TMEM130: variants seen among roughly 807,000 people sequenced by gnomAD.
TMEM130 encodes the protein transmembrane protein 130.
TMEM130 carries 37 observed loss-of-function variants against 42.9 expected under a neutral mutation model. The ratio of observed to expected loss-of-function variants is 0.86; its 90% CI spans 0.66 to 1.13. The LOEUF is 1.13. TMEM130 is among the 50% of genes most tolerant of loss of function. TMEM130 has a pLI of 0.00. For missense variants in TMEM130, 545 were observed against 562.6 expected (o/e 0.97, Z 0.32); for synonymous variants, 259 against 237.7 (o/e 1.09, Z -0.82).
Position 98,851,544 on chromosome 7 carries a change from C to A in TMEM130, c.883G>T (p.Ala295Ser). Residue 295 changes from alanine to serine, a missense_variant, in exon 6 of 8, where the codon GCC (alanine) becomes TCC (serine). By Grantham distance (99) the Ala-to-Ser change is moderately conservative. Transcript: ENST00000339375. ...TGGGTCAGGTTGTACGCTGTGCTGG[C>A]CACGGACACAGGGTGGCACTCCCCT... is the stretch of plus-strand genomic sequence containing the variant. ...EEGECHPVSV[A>S]STAYNLTHTF... 3.1e-6 allele frequency: 5 copies of A among 1,614,076 alleles called. No individual in the cohort carries two copies. Among genetic ancestry groups the A allele is most frequent in the Non-Finnish European group, 4.2e-6 (5 of 1,180,024 alleles).
intron 1 of TMEM130, among the ~76,000 whole-genome samples, chr7:98,864,176 C>G (rs1794856385): frequency 6.6e-6 from 1 of 152,032 alleles, no homozygotes; most frequent in African/African-American, 2.4e-5. Flanking sequence ...GGACAGGCCA[C>G]ACAGAGAACA....
At chr7:98,855,617 C>G (rs531062179) in intron 4 of TMEM130, among the ~76,000 whole-genome samples, 23 of 152,218 alleles carry the variant, frequency 1.5e-4, no homozygotes, top group Non-Finnish European at 3.1e-4. Context: ...CAGCAAGAAC[C>G]AAGACATCTT....
At chr7:98,858,066 C>A in intron 3 of TMEM130, among the ~76,000 whole-genome samples, 1 of 152,028 alleles carries the variant, frequency 6.6e-6, no homozygotes, top group Non-Finnish European at 1.5e-5. Context: ...ATTCTAAGTT[C>A]TCCACTCAGT....
intron 7 of TMEM130, 132 bp downstream of exon 7, chr7:98,848,451 A>AC: frequency 1.3e-6 from 1 of 781,158 alleles, no homozygotes. Context: ...TGGGCACATC[A>AC]CCCCAAGTCC....
rs1339178220 is a variant in TMEM130 at position 98,864,400 on chromosome 7, A to G, written c.86-1000T>C. Reference sequence around the variant, plus strand: ...TTTTTTCTTTTTTTTTTTTTTTTGTAGAGACAGGATCTCACTATGTTGCCC... The same window carrying G: ...TTTTTTCTTTTTTTTTTTTTTTTGTGGAGACAGGATCTCACTATGTTGCCC... On this transcript the variant is annotated intron_variant, in intron 1 of 7. Coordinates refer to ENST00000339375, the MANE Select transcript of TMEM130 (RefSeq NM_152913.3). Among the ~76,000 whole-genome samples, 7 of 106,686 alleles carry G rather than the reference A, an allele frequency of 6.6e-5. No individual in the cohort carries two copies. In the East Asian group the frequency reaches 1.8e-3, roughly 27 times the overall value. The allele number at this position is 106,686 out of a possible 152,430, so 70.0% of individuals were successfully genotyped here.
chr7:98,863,484 T>C, intron 1 of TMEM130, 84 bp from the exon 2 acceptor site: 1 of 1,341,958 alleles, frequency 7.5e-7, no homozygotes, highest in Non-Finnish European at 9.9e-7. Context: ...GCATCAACTA[T>C]TCTATTTCCC....
At position 98,855,335 on chromosome 7, in the gene TMEM130, G is replaced by A. The variant is rs368430809; in HGVS notation, c.719-11C>T. Reference sequence around the variant, plus strand: ...TGCCTCGAAGGGTTTCTGTAAGGCAGAGAGAACCCCGTTAGACCTGGTGGC... The same window carrying A: ...TGCCTCGAAGGGTTTCTGTAAGGCAAAGAGAACCCCGTTAGACCTGGTGGC... On this transcript the variant is annotated splice_polypyrimidine_tract_variant and intron_variant, in intron 4 of 7. Coordinates refer to ENST00000339375, the MANE Select transcript of TMEM130 (RefSeq NM_152913.3). 1 of 1,609,582 alleles carries A rather than the reference G, an allele frequency of 6.2e-7. No individual in the cohort carries two copies.
chr7:98,856,642 C>T (rs2098074305), intron 3 of TMEM130, among the ~76,000 whole-genome samples: 1 of 152,042 alleles, frequency 6.6e-6, no homozygotes. Context: ...GGATCACAGG[C>T]GTGTACCACT....
At chr7:98,868,278 T>A (rs1276261167) in intron 1 of TMEM130, among the ~76,000 whole-genome samples, 2 of 151,842 alleles carry the variant, frequency 1.3e-5, no homozygotes, top group African/African-American at 2.4e-5. Context: ...TGACATGGAG[T>A]TGGGGTATGG....
intron 3 of TMEM130, among the ~76,000 whole-genome samples, chr7:98,856,501 T>G (rs1476374708): frequency 6.6e-6 from 1 of 152,048 alleles, no homozygotes; most frequent in Non-Finnish European, 1.5e-5. Context: ...TGTCAAAAAT[T>G]TTTTGTTTTT....
In TMEM130 at chr7:98,862,892, C is replaced by G. The variant is rs1033813469; in HGVS notation, c.391+203G>C. Among the ~76,000 whole-genome samples the G allele has an allele frequency of 2.6e-5, 4 of 152,194 alleles. No individual in the cohort carries two copies. In the South Asian group the frequency reaches 8.3e-4, roughly 32 times the overall value. On this transcript the variant is annotated intron_variant, in intron 2 of 7. Transcript: ENST00000339375. ...TATACCCTCAGCAGCAATAGGCGTCCCTTTTAGCACAATACCTCCTGGGGG... is the reference window on the plus strand; with the variant it reads ...TATACCCTCAGCAGCAATAGGCGTCGCTTTTAGCACAATACCTCCTGGGGG...
At chr7:98,866,524 C>A (rs757747327) in intron 1 of TMEM130, 71 of 152,398 alleles carry the variant, frequency 4.7e-4, no homozygotes, top group Admixed American at 1.4e-3. Context: ...TACATGGTCC[C>A]CAGACATCTG....
chr7:98,847,159 G>C lies in TMEM130; in HGVS notation c.*897C>G, dbSNP rs1794374251. On this transcript the variant is annotated 3_prime_UTR_variant, in exon 8 of 8. Coordinates refer to ENST00000339375, the MANE Select transcript of TMEM130 (RefSeq NM_152913.3). ...GGCGTGAGCCACCGCGCCCGGCCTTGACTCAACCTCTTCTACCGCTGCAAG... is the reference window on the plus strand; with the variant it reads ...GGCGTGAGCCACCGCGCCCGGCCTTCACTCAACCTCTTCTACCGCTGCAAG... The C allele has an allele frequency of 6.6e-6, 1 of 152,150 alleles. No homozygotes were observed. The highest frequency in any genetic ancestry group is 1.5e-5 in the Non-Finnish European group (1 of 68,036). 9.4% of individuals were successfully genotyped at this position (152,150 alleles called of 1,614,324 possible). A position where few individuals can be genotyped will look rare whatever the true frequency, so the allele number is the denominator to read the frequency against.
chr7:98,855,178 A>G (rs1794597447), intron 5 of TMEM130, 62 bp downstream of exon 5: 1 of 1,468,108 alleles, frequency 6.8e-7, no homozygotes, highest in Non-Finnish European at 9.4e-7. Context: ...ACTTGGGGTC[A>G]TCGTGAAGGG....
At chr7:98,868,139 GA>G (rs1364228277) in intron 1 of TMEM130, among the ~76,000 whole-genome samples, 1 of 152,240 alleles carries the variant, frequency 6.6e-6, no homozygotes. Flanking sequence ...TGAGGCAGGA[GA>G]ATTTCTTGAA....
intron 5 of TMEM130, among the ~76,000 whole-genome samples, chr7:98,853,631 AAAAG>A (rs1396325434): frequency 6.6e-6 from 1 of 152,190 alleles, no homozygotes; most frequent in African/African-American, 2.4e-5. Flanking sequence ...CTGTCTGAAA[AAAAG>A]AAAGAGTCCT....
At chr7:98,859,666 G>C (rs553032057) in intron 3 of TMEM130, among the ~76,000 whole-genome samples, 10 of 152,074 alleles carry the variant, frequency 6.6e-5, no homozygotes, top group Non-Finnish European at 1.5e-4. Context: ...CTTGAGGTCA[G>C]GAGTTCAAGA....
intron 6 of TMEM130, among the ~76,000 whole-genome samples, chr7:98,850,081 ACT>A (rs1381268259): frequency 4.0e-5 from 6 of 150,304 alleles, no homozygotes; most frequent in Admixed American, 6.7e-5. Flanking sequence ...ACAGGGTCTC[ACT>A]CTGTCGCTCA....
In TMEM130 at chr7:98,855,290, G is replaced by A; in HGVS notation, c.753C>T (p.Thr251=). The change falls in exon 5 of 8, where the codon ACC becomes ACT. Residue 251 remains threonine (T), a synonymous_variant. Transcript: ENST00000339375. ...TCATCTTTTGGAAGGTCTGAATTAG[G>A]GTGGGCCCCAACACTTGGATGCCTC... is the stretch of plus-strand genomic sequence containing the variant. ...TLRGIQVLGP[T]LIQTFQKMTV... The A allele has an allele frequency of 6.2e-7, 1 of 1,613,396 alleles. No individual in the cohort carries two copies.
Sources: gnomAD v4.1 joint callset for allele counts (sites outside exome capture counted in the v4.1 genomes callset) on GRCh38, gnomAD v4.1.1 for gene constraint, MANE v1.5 for transcripts, NCBI Gene and HGNC (gene_info 2026-07-23, HGNC 2026-07-21) for gene names.